RPS6KC1: variants seen among roughly 807,000 people sequenced by gnomAD.
The protein encoded by RPS6KC1 is ribosomal protein S6 kinase C1, also known as inactive ribosomal protein S6 kinase delta-1.
A neutral mutation model predicts 103.8 loss-of-function variants in RPS6KC1; 54 were observed. That is an observed-to-expected ratio of 0.52 (90% confidence interval 0.42 to 0.65). The LOEUF (loss-of-function observed/expected upper bound fraction) is 0.65, where lower values mean the gene tolerates loss of function less well. Ranked by LOEUF, RPS6KC1 falls within the 30% of genes least tolerant of loss-of-function variation. The pLI, the probability that RPS6KC1 is intolerant of heterozygous loss-of-function variation, is 0.00. For synonymous variants in RPS6KC1, 439 were observed against 438.7 expected, an observed-to-expected ratio of 1.00 and a Z score of -0.01; for missense variants, 1,151 against 1,253.8, an observed-to-expected ratio of 0.92 and a Z score of 1.24.
chr1:213,707,659 G>T, the RPS6KC1 span, among the ~76,000 whole-genome samples: 1 of 152,070 alleles, frequency 6.6e-6, no homozygotes, highest in Non-Finnish European at 1.5e-5. Flanking sequence ...TTCATCTAGG[G>T]TTTTTATCGT....
the RPS6KC1 span, among the ~76,000 whole-genome samples, chr1:213,762,975 T>C: frequency 2.6e-5 from 4 of 151,856 alleles, no homozygotes; most frequent in African/African-American, 4.8e-5. Flanking sequence ...AATTCTGCCT[T>C]AGCCTCCCAA....
the RPS6KC1 span, among the ~76,000 whole-genome samples, chr1:213,629,680 G>A: frequency 1.3e-5 from 2 of 152,146 alleles, no homozygotes; most frequent in Non-Finnish European, 2.9e-5. Flanking sequence ...TCCTAGCCTC[G>A]ACGGTCTTTA....
chr1:213,403,212 A>G, the RPS6KC1 span, among the ~76,000 whole-genome samples: 91 of 152,106 alleles, frequency 6.0e-4, no homozygotes, highest in Non-Finnish European at 8.5e-4. Flanking sequence ...GTTCCTCTCC[A>G]TCCACTTGCC....
the RPS6KC1 span, among the ~76,000 whole-genome samples, chr1:213,649,791 CTT>C: frequency 6.6e-6 from 1 of 152,162 alleles, no homozygotes; most frequent in South Asian, 2.1e-4. Context: ...GTCTCAGTGA[CTT>C]GAGTTCAGTG....
chr1:213,329,671 G>C, the RPS6KC1 span, among the ~76,000 whole-genome samples: 1 of 151,950 alleles, frequency 6.6e-6, no homozygotes, highest in African/African-American at 2.4e-5. Context: ...GCTGTCTTAG[G>C]CTCCTTGGAA....
chr1:213,744,628 A>G, the RPS6KC1 span, among the ~76,000 whole-genome samples: 1 of 152,298 alleles, frequency 6.6e-6, no homozygotes, highest in Admixed American at 6.5e-5. Flanking sequence ...AATGATCTCT[A>G]ACATCCTTGC....
chr1:213,641,227 G>A, the RPS6KC1 span, among the ~76,000 whole-genome samples: 7 of 151,184 alleles, frequency 4.6e-5, no homozygotes, highest in Middle Eastern at 6.9e-3. Context: ...TCAGCTCTTT[G>A]TTAGATGATC....
At chr1:213,724,488 C>A in the RPS6KC1 span, among the ~76,000 whole-genome samples, 1 of 152,174 alleles carries the variant, frequency 6.6e-6, no homozygotes, top group African/African-American at 2.4e-5. Context: ...TCACAAGGGG[C>A]TCTATGAGTA....
At chr1:213,520,463 A>G in the RPS6KC1 span, among the ~76,000 whole-genome samples, 5 of 152,300 alleles carry the variant, frequency 3.3e-5, no homozygotes, top group South Asian at 8.3e-4. Flanking sequence ...GAGAGCTACA[A>G]TTCAAGATGA....
chr1:213,149,776 A>G (rs1263331599), intron 6 of RPS6KC1, among the ~76,000 whole-genome samples: 2 of 152,204 alleles, frequency 1.3e-5, no homozygotes, highest in Non-Finnish European at 2.9e-5. Flanking sequence ...ATTGGGGCCT[A>G]TCTCTCTTGT....
chr1:213,658,545 G>A, the RPS6KC1 span, among the ~76,000 whole-genome samples: 3,480 of 152,316 alleles, frequency 0.023, 74 homozygotes, highest in Middle Eastern at 0.085. Flanking sequence ...TGAGGCTAGG[G>A]ACAAGAAATC....
At chr1:213,857,661 T>C in the RPS6KC1 span, among the ~76,000 whole-genome samples, 4 of 152,244 alleles carry the variant, frequency 2.6e-5, no homozygotes, top group Admixed American at 6.5e-5. Context: ...GACACTGTTC[T>C]GGGCAGAAGG....
chr1:213,465,897 C>G, the RPS6KC1 span, among the ~76,000 whole-genome samples: 1 of 152,142 alleles, frequency 6.6e-6, no homozygotes, highest in East Asian at 1.9e-4. Context: ...TCCACAACTG[C>G]CCTCATTTCC....
the RPS6KC1 span, among the ~76,000 whole-genome samples, chr1:213,333,197 A>T: frequency 6.6e-6 from 1 of 152,340 alleles, no homozygotes; most frequent in South Asian, 2.1e-4. Flanking sequence ...TAAACCATCA[A>T]GTCTCTACAA....
chr1:213,159,595 T>G (rs2090262731), intron 6 of RPS6KC1, among the ~76,000 whole-genome samples: 1 of 152,232 alleles, frequency 6.6e-6, no homozygotes, highest in Admixed American at 6.5e-5. Context: ...TGCAGATGTT[T>G]TTATGTATTG....
intron 8 of RPS6KC1, among the ~76,000 whole-genome samples, chr1:213,208,551 A>G (rs1312795408): frequency 1.3e-5 from 2 of 152,044 alleles, no homozygotes; most frequent in African/African-American, 4.8e-5. Context: ...TTGTTGGGAG[A>G]TCAAACAAAT....
chr1:213,537,912 C>G, the RPS6KC1 span, among the ~76,000 whole-genome samples: 1 of 152,088 alleles, frequency 6.6e-6, no homozygotes, highest in Non-Finnish European at 1.5e-5. Flanking sequence ...TGGCTTTCTT[C>G]TTTGTTAGAA....
At chr1:213,804,173 T>TAAAAAAA in the RPS6KC1 span, among the ~76,000 whole-genome samples, 26 of 57,842 alleles carry the variant, frequency 4.5e-4, no homozygotes, top group African/African-American at 1.7e-3. Context: ...TGGCTAATCT[T>TAAAAAAA]AAAAAAAAAA....
chr1:213,455,873 T>C, the RPS6KC1 span, among the ~76,000 whole-genome samples: 1 of 152,154 alleles, frequency 6.6e-6, no homozygotes, highest in Non-Finnish European at 1.5e-5. Flanking sequence ...GACCAGAAAA[T>C]TATGACAGAC....
Sources: allele counts gnomAD v4.1 joint callset (sites outside exome capture counted in the v4.1 genomes callset), GRCh38; gene constraint gnomAD v4.1.1; transcripts MANE v1.5; gene names NCBI Gene and HGNC (gene_info 2026-07-23, HGNC 2026-07-21).